CUX2: variants seen among roughly 807,000 people sequenced by gnomAD.
The protein encoded by CUX2 is cut like homeobox 2.
CUX2 carries 40 observed loss-of-function variants against 144.8 expected under a neutral mutation model. The observed-to-expected ratio is 0.28, with a 90% CI of 0.21 to 0.36. The LOEUF (loss-of-function observed/expected upper bound fraction) is 0.36. CUX2 is among the 10% of genes least tolerant of loss of function. The pLI, the probability that CUX2 is intolerant of heterozygous loss-of-function variation, is 1.00. For synonymous variants in CUX2, 827 were observed against 875.6 expected, an observed-to-expected ratio of 0.94 and a Z score of 0.98; for missense variants, 1,615 against 1,994.0, an observed-to-expected ratio of 0.81 and a Z score of 3.62.
In CUX2 at chr12:111,293,689, G is replaced by A. The variant is rs571118340; in HGVS notation, c.560+120G>A. On this transcript the variant is annotated intron_variant, in intron 6 of 21. Coordinates refer to ENST00000261726, the MANE Select transcript of CUX2 (RefSeq NM_015267.4). This position sits in a 1 kb window ranked among gnomAD's most constrained non-coding sequence, Gnocchi z 4.5. ...AGAATCCAGATGCAGGCTGGAGACCGAGATGAGAAAGGGCCGAGGGCTTTG... is the reference window on the plus strand; with the variant it reads ...AGAATCCAGATGCAGGCTGGAGACCAAGATGAGAAAGGGCCGAGGGCTTTG... 239 of 1,388,626 alleles carry A rather than the reference G, an allele frequency of 1.7e-4. No individual in the cohort carries two copies. The highest frequency in any genetic ancestry group is 3.3e-4 in the Admixed American group (13 of 39,294). The allele number at this position is 1,388,626 out of a possible 1,614,324, so 86.0% of individuals were successfully genotyped here. A position where few individuals can be genotyped will look rare whatever the true frequency, so the allele number is the denominator to read the frequency against.
Position 111,263,662 on chromosome 12 carries a change from C to T in CUX2, c.223-99C>T, listed in dbSNP as rs534766287. 4.5e-5 allele frequency: 42 copies of T among 936,136 alleles called. No homozygotes were observed. The South Asian group carries it at 5.8e-4, about 13-fold the overall frequency. The allele number at this position is 936,136 out of a possible 1,614,324, so 58.0% of individuals were successfully genotyped here. A position where few individuals can be genotyped will look rare whatever the true frequency, so the allele number is the denominator to read the frequency against. On this transcript the variant is annotated intron_variant, in intron 3 of 21. Transcript: ENST00000261726. This position sits in a 1 kb window ranked among gnomAD's most constrained non-coding sequence, Gnocchi z 4.0. ...AAACAAAACAAAACAAAACAAAAAA[C>T]CTGCAGATGTTTTCTTGTGGAAAAA...
At chr12:111,168,619 G>T (rs574249876) in intron 1 of CUX2, among the ~76,000 whole-genome samples, 3 of 152,348 alleles carry the variant, frequency 2.0e-5, no homozygotes, top group African/African-American at 7.2e-5. Context: ...CATCACAGGG[G>T]AGAGTCGCAT....
intron 1 of CUX2, among the ~76,000 whole-genome samples, chr12:111,054,597 T>C (rs1261626566): frequency 6.6e-6 from 1 of 152,216 alleles, no homozygotes; most frequent in African/African-American, 2.4e-5. Context: ...TACCATCATT[T>C]AGTGGTTTAA....
At chr12:111,237,343 C>A (rs1882806882) in intron 3 of CUX2, among the ~76,000 whole-genome samples, 1 of 152,148 alleles carries the variant, frequency 6.6e-6, no homozygotes, top group African/African-American at 2.4e-5. Flanking sequence ...CTCCTCTAAG[C>A]CCCCTGGCAA....
intron 4 of CUX2, among the ~76,000 whole-genome samples, chr12:111,274,982 C>A (rs1032636456): frequency 2.5e-4 from 38 of 151,054 alleles, no homozygotes; most frequent in African/African-American, 3.6e-4. Context: ...CAAAAAAAAA[C>A]CACCAATAGC....
In CUX2 at chr12:111,078,614, G is replaced by A. The variant is rs369481223; in HGVS notation, c.63+44374G>A. Among the ~76,000 whole-genome samples, 202 of 152,258 alleles carry A rather than the reference G, an allele frequency of 1.3e-3. 2 individuals are homozygous for A. The highest frequency in any genetic ancestry group is 4.6e-3 in the African/African-American group (190 of 41,534). ...GAGCCTGGGAATTTGAGGCTGCAGC[G>A]AGCTATGATCGTGCCACTACACTCC... On this transcript the variant is annotated intron_variant, in intron 1 of 21. Coordinates refer to ENST00000261726, the MANE Select transcript of CUX2 (RefSeq NM_015267.4).
chr12:111,142,190 T>C (rs1178311867), intron 1 of CUX2, among the ~76,000 whole-genome samples: 1 of 152,172 alleles, frequency 6.6e-6, no homozygotes, highest in Non-Finnish European at 1.5e-5. Context: ...GATTTCCAAA[T>C]GGGAAGGATC....
rs1870766330 is a variant in CUX2 at position 111,061,325 on chromosome 12, C to T, written c.63+27085C>T. Among the ~76,000 whole-genome samples the T allele has an allele frequency of 6.6e-6, 1 of 152,132 alleles. No individual in the cohort carries two copies. The highest frequency in any genetic ancestry group is 2.4e-5 in the African/African-American group (1 of 41,414). ...CCTATTTTTATTCCTGTTTGAGTCA[C>T]TATGGGACAATGAGGAGAGCCACTG... On this transcript the variant is annotated intron_variant, in intron 1 of 21. Transcript: ENST00000261726. The surrounding 1 kb of genome is among the most constrained non-coding windows in gnomAD (Gnocchi z 4.2).
rs374308990 is a variant in CUX2 at position 111,221,007 on chromosome 12, G to T, written c.222+3070G>T. On this transcript the variant is annotated intron_variant, in intron 3 of 21. Coordinates refer to ENST00000261726, the MANE Select transcript of CUX2 (RefSeq NM_015267.4). ...TCAGCAGCATGGAGGCAGTCCCAGG[G>T]TCTGGCACACCGTTGGTGCTCAGTA... Among the ~76,000 whole-genome samples the T allele has an allele frequency of 8.6e-5, 13 of 151,600 alleles. No individual in the cohort carries two copies. In the East Asian group the frequency reaches 2.5e-3, roughly 29 times the overall value.
chr12:111,147,465 G>C (rs150662028), intron 1 of CUX2, among the ~76,000 whole-genome samples: 1 of 152,314 alleles, frequency 6.6e-6, no homozygotes, highest in African/African-American at 2.4e-5. Context: ...CTTTTCCCTA[G>C]TCCCTGCCCA....
At chr12:111,050,939 C>A (rs1401775564) in intron 1 of CUX2, among the ~76,000 whole-genome samples, 1 of 152,124 alleles carries the variant, frequency 6.6e-6, no homozygotes, top group Non-Finnish European at 1.5e-5. Context: ...TGTTTGATAG[C>A]AGAGCAGGGT....
rs1476172765 is a variant in CUX2, at chr12:111,129,541, G to A, written c.64-84659G>A. Among the ~76,000 whole-genome samples the A allele has an allele frequency of 3.9e-5, 6 of 152,218 alleles. No individual in the cohort carries two copies. The South Asian group carries it at 8.3e-4, about 21-fold the overall frequency. On this transcript the variant is annotated intron_variant, in intron 1 of 21. Transcript: ENST00000261726. ...GGGTGTGGTACTGCAGCTGCAATTG[G>A]AGCCACCACCTGGTTAATCTTACAG...
At chr12:111,050,020 G>A (rs1328424007) in intron 1 of CUX2, among the ~76,000 whole-genome samples, 1 of 152,070 alleles carries the variant, frequency 6.6e-6, no homozygotes, top group African/African-American at 2.4e-5. Context: ...AGGAAACTGA[G>A]GCAAAAGGGT....
At chr12:111,218,991 C>A (rs1355003555) in intron 3 of CUX2, among the ~76,000 whole-genome samples, 1 of 151,982 alleles carries the variant, frequency 6.6e-6, no homozygotes, top group South Asian at 2.1e-4. Context: ...ATTTCTAAAG[C>A]GTTCCATCTT....
Position 111,149,738 on chromosome 12 carries a change from CT to C in CUX2, c.64-64459del, listed in dbSNP as rs940798573. 1.1e-4 allele frequency among the ~76,000 whole-genome samples: 16 copies of C among 152,186 alleles called. 1 individual carries two copies. The highest frequency in any genetic ancestry group is 3.9e-4 in the African/African-American group (16 of 41,434). ...GGCAGGGGTAGAGGAAAAATGCTTTCTTTACCTGTTGAAAGTTATTTTTTCA... is the reference window on the plus strand; with the variant it reads ...GGCAGGGGTAGAGGAAAAATGCTTTCTTACCTGTTGAAAGTTATTTTTTCA... On this transcript the variant is annotated intron_variant, in intron 1 of 21. Transcript: ENST00000261726.
chr12:111,252,181 A>AC (rs1883594203), intron 3 of CUX2, among the ~76,000 whole-genome samples: 1 of 152,136 alleles, frequency 6.6e-6, no homozygotes, highest in South Asian at 2.1e-4. Context: ...ACAGAGTGAG[A>AC]CCCCATCTCT....
rs768054820 is a variant in CUX2 at position 111,037,738 on chromosome 12, C to T, written c.63+3498C>T. Among the ~76,000 whole-genome samples, 1 of 152,024 alleles carries T rather than the reference C, an allele frequency of 6.6e-6. No homozygotes were observed. Among genetic ancestry groups the T allele is most frequent in the Non-Finnish European group, 1.5e-5 (1 of 68,002 alleles). On this transcript the variant is annotated intron_variant, in intron 1 of 21. Transcript: ENST00000261726. The surrounding 1 kb of genome is among the most constrained non-coding windows in gnomAD (Gnocchi z 5.4). ...CTTTTCTGTGTATAATCGTCGTAAC[C>T]GGATTCATACCTTTATGATTTTCTT...
chr12:111,309,973 C>A, intron 14 of CUX2, 68 bp from the exon 15 acceptor site: 1 of 1,247,038 alleles, frequency 8.0e-7, no homozygotes, highest in South Asian at 3.6e-5. Context: ...CTTTTTCTCC[C>A]TGTCTCTCTC....
At chr12:111,242,277 C>T (rs886082759) in intron 3 of CUX2, among the ~76,000 whole-genome samples, 7 of 152,234 alleles carry the variant, frequency 4.6e-5, no homozygotes, top group Non-Finnish European at 1.0e-4. Flanking sequence ...TCCTAAGTTG[C>T]AACAGCAAAT....
Sources: gnomAD v4.1 joint callset for allele counts (sites outside exome capture counted in the v4.1 genomes callset) on GRCh38, gnomAD v4.1.1 for gene constraint, Gnocchi (gnomAD v3.1) non-coding constraint, MANE v1.5 for transcripts, NCBI Gene and HGNC (gene_info 2026-07-23, HGNC 2026-07-21) for gene names.